The following NAV3 variants were observed in gnomAD, a reference collection of about 807,000 sequenced individuals.
NAV3 encodes the protein pore membrane and/or filament interacting like protein 1.
Under a neutral mutation model 244.7 loss-of-function variants are expected in NAV3, and 87 were observed. The ratio of observed to expected loss-of-function variants is 0.36; its 90% CI spans 0.30 to 0.42. The LOEUF (loss-of-function observed/expected upper bound fraction) is 0.42, where lower values mean the gene tolerates loss of function less well. NAV3 is among the 20% of genes least tolerant of loss of function. The probability of loss-of-function intolerance (pLI) is 1.00; values close to 1 mark genes in which losing one functional copy is unlikely to be tolerated. For synonymous variants in NAV3, 1,126 were observed against 1,042.2 expected (o/e 1.08, Z -1.55); for missense variants, 2,663 against 2,893.3 (o/e 0.92, Z 1.83).
chr12:77,711,862 C>T (rs577513267), intron 2 of NAV3, among the ~76,000 whole-genome samples: 48 of 152,286 alleles, frequency 3.2e-4, no homozygotes, highest in Non-Finnish European at 5.3e-4. Flanking sequence ...TTGTCTTGAT[C>T]TTCCTGCATC....
intron 1 of NAV3, among the ~76,000 whole-genome samples, chr12:77,877,361 A>G (rs1881985956): frequency 6.6e-6 from 1 of 152,128 alleles, no homozygotes; most frequent in African/African-American, 2.4e-5. Flanking sequence ...CTATTTTAAT[A>G]GATTTATTTT....
intron 12 of NAV3, among the ~76,000 whole-genome samples, chr12:78,095,871 A>C (rs951339350): frequency 5.3e-5 from 8 of 152,198 alleles, no homozygotes; most frequent in Admixed American, 2.6e-4. Context: ...TGTCTAGCTG[A>C]AATCCAGATG....
chr12:77,651,638 G>A (rs924685168), intron 2 of NAV3, among the ~76,000 whole-genome samples: 4 of 152,042 alleles, frequency 2.6e-5, no homozygotes, highest in African/African-American at 7.2e-5. Context: ...CATATTTTAA[G>A]GTTTCATGGG....
At chr12:77,888,782 A>G (rs917176589) in intron 1 of NAV3, among the ~76,000 whole-genome samples, 3 of 152,136 alleles carry the variant, frequency 2.0e-5, no homozygotes, top group East Asian at 3.9e-4. Context: ...TGAATGTTCT[A>G]AGTCTTCAAA....
intron 1 of NAV3, among the ~76,000 whole-genome samples, chr12:77,934,148 G>C (rs542811179): frequency 1.1e-3 from 163 of 152,162 alleles, no homozygotes; most frequent in African/African-American, 3.7e-3. Context: ...TGTTGATTGT[G>C]GTTCCTTATT....
chr12:77,806,282 T>G (rs1164218526), intron 2 of NAV3, among the ~76,000 whole-genome samples: 1 of 152,230 alleles, frequency 6.6e-6, no homozygotes, highest in Admixed American at 6.5e-5. Flanking sequence ...AGATCTTTCC[T>G]GCTTTCTCCT....
intron 8 of NAV3, among the ~76,000 whole-genome samples, chr12:78,020,385 T>C (rs753176265): frequency 2.3e-4 from 35 of 152,204 alleles, no homozygotes; most frequent in Non-Finnish European, 4.1e-4. Context: ...ATGGTATATA[T>C]CCTATCATTT....
At chr12:77,584,468 T>A (rs1869509010) in intron 2 of NAV3, among the ~76,000 whole-genome samples, 1 of 151,910 alleles carries the variant, frequency 6.6e-6, no homozygotes, top group Non-Finnish European at 1.5e-5. Context: ...GCAGAGTCTG[T>A]TTGGTTAGAT....
chr12:77,980,374 A>G (rs1164391818), intron 5 of NAV3, among the ~76,000 whole-genome samples: 2 of 152,214 alleles, frequency 1.3e-5, no homozygotes, highest in African/African-American at 4.8e-5. Context: ...TTGATAGACT[A>G]GATTTTCTCA....
chr12:78,059,261 TA>T, intron 12 of NAV3, 146 bp downstream of exon 12: 1 of 815,252 alleles, frequency 1.2e-6, no homozygotes, highest in Non-Finnish European at 1.7e-6. Flanking sequence ...AATAATTATT[TA>T]GGGTTTTTTT....
chr12:77,780,946 T>A (rs9634207), intron 2 of NAV3, among the ~76,000 whole-genome samples: 7 of 152,130 alleles, frequency 4.6e-5, no homozygotes, highest in Non-Finnish European at 8.8e-5. Flanking sequence ...CCATGAGGAG[T>A]GGTTGTATCC....
At chr12:78,196,166 TA>T (rs2139969127) in intron 34 of NAV3, among the ~76,000 whole-genome samples, 1 of 152,236 alleles carries the variant, frequency 6.6e-6, no homozygotes, top group South Asian at 2.1e-4. Flanking sequence ...GTTTTAAACA[TA>T]TTTTTTTCTG....
At chr12:77,834,990 G>C (rs1371154015) in intron 1 of NAV3, among the ~76,000 whole-genome samples, 1 of 152,112 alleles carries the variant, frequency 6.6e-6, no homozygotes, top group African/African-American at 2.4e-5. Flanking sequence ...CATAACAATA[G>C]CATAAAGAAG....
intron 9 of NAV3, among the ~76,000 whole-genome samples, chr12:78,025,678 AG>A (rs1877936780): frequency 6.7e-6 from 1 of 149,502 alleles, no homozygotes; most frequent in Non-Finnish European, 1.5e-5. Flanking sequence ...TTTGGATCCC[AG>A]GGGCAGATTC....
chr12:77,661,759 C>T (rs553039858), intron 2 of NAV3, among the ~76,000 whole-genome samples: 1 of 152,084 alleles, frequency 6.6e-6, no homozygotes, highest in African/African-American at 2.4e-5. Context: ...TTTTTTCATA[C>T]AGCTATCCAA....
At chr12:77,815,500 C>G (rs1169723616) in intron 2 of NAV3, among the ~76,000 whole-genome samples, 1 of 152,054 alleles carries the variant, frequency 6.6e-6, no homozygotes, top group African/African-American at 2.4e-5. Context: ...GGCTAAGGGT[C>G]TCTACTATGA....
intron 19 of NAV3, among the ~76,000 whole-genome samples, chr12:78,139,398 A>G (rs1956509689): frequency 1.3e-5 from 2 of 152,098 alleles, no homozygotes; most frequent in Admixed American, 1.3e-4. Flanking sequence ...AATATCTTTT[A>G]AATTATTATC....
At chr12:78,201,072 C>CTTTTTTTTTTTTT (rs549973376) in intron 38 of NAV3, among the ~76,000 whole-genome samples, 1 of 90,310 alleles carries the variant, frequency 1.1e-5, no homozygotes, top group Non-Finnish European at 2.0e-5. Context: ...TCTTCTCCTT[C>CTTTTTTTTTTTTT]TTTTTTTTTT....
intron 2 of NAV3, among the ~76,000 whole-genome samples, chr12:77,819,193 A>G (rs1424444657): frequency 5.3e-5 from 8 of 152,054 alleles, no homozygotes; most frequent in African/African-American, 1.7e-4. Context: ...TGCGTGCAAT[A>G]GGTGTTACTG....
Sources: gnomAD v4.1 joint callset for allele counts (sites outside exome capture counted in the v4.1 genomes callset) on GRCh38, gnomAD v4.1.1 for gene constraint, MANE v1.5 for transcripts, NCBI Gene and HGNC (gene_info 2026-07-23, HGNC 2026-07-21) for gene names.